Variants in FRY observed in about 807,000 individuals in gnomAD.
The protein encoded by FRY is FRY microtubule binding protein, also known as protein furry homolog.
In FRY, 128 loss-of-function variants were observed where a neutral mutation model predicts 348.4. That is an observed-to-expected ratio of 0.37 (90% CI 0.32 to 0.43). The LOEUF is 0.43. Ranked by LOEUF, FRY falls within the 20% of genes least tolerant of loss-of-function variation. The pLI, the probability that FRY is intolerant of heterozygous loss-of-function variation, is 1.00. For missense variants in FRY, 2,736 were observed against 3,695.2 expected (o/e 0.74, Z 6.73); for synonymous variants, 1,370 against 1,374.7 (o/e 1.00, Z 0.08).
intron 34 of FRY, 29 bp downstream of exon 34, chr13:32,211,063 G>C (rs1488858487): frequency 1.2e-6 from 2 of 1,604,192 alleles, no homozygotes; most frequent in African/African-American, 2.7e-5. Context: ...CAGACACCTG[G>C]TCACAGATCC....
At chr13:32,279,551 T>G (rs1262128612) in intron 58 of FRY, among the ~76,000 whole-genome samples, 1 of 152,224 alleles carries the variant, frequency 6.6e-6, no homozygotes, top group African/African-American at 2.4e-5. Context: ...TCCCACTCTG[T>G]CTACTGTGGA....
At chr13:32,127,895 T>C (rs1382198713) in intron 7 of FRY, among the ~76,000 whole-genome samples, 10 of 152,200 alleles carry the variant, frequency 6.6e-5, no homozygotes, top group Admixed American at 5.2e-4. Context: ...TCCCTTTTTC[T>C]CTCTCTCCTT....
rs747583361 is a variant in FRY at position 32,149,745 on chromosome 13, C to T, written c.1393-3C>T. 3 of 1,562,082 alleles carry T rather than the reference C, an allele frequency of 1.9e-6. No homozygotes were observed. The highest frequency in any genetic ancestry group is 4.5e-5 in the East Asian group (2 of 44,632). ...TCATTTTGTGTTCTTGTTTTTACTA[C>T]AGGAACGTTTAGATTTTGCAATGAA... On this transcript the variant is annotated splice_polypyrimidine_tract_variant and splice_region_variant and intron_variant, in intron 13 of 60. Coordinates refer to ENST00000542859, the MANE Select transcript of FRY (RefSeq NM_023037.3).
chr13:32,212,004 A>G (rs1884714739), intron 34 of FRY, among the ~76,000 whole-genome samples: 1 of 152,242 alleles, frequency 6.6e-6, no homozygotes, highest in Non-Finnish European at 1.5e-5. Flanking sequence ...GCCACTATAA[A>G]TAAGCTCATT....
chr13:32,175,378 A>G (rs1882304416), intron 19 of FRY, among the ~76,000 whole-genome samples, 168 bp from the exon 20 acceptor site: 1 of 152,180 alleles, frequency 6.6e-6, no homozygotes, highest in African/African-American at 2.4e-5. Context: ...GCTCAGAAAC[A>G]CAGGAGTTTT....
Position 32,228,461 on chromosome 13 carries a change from T to G in FRY, c.5212T>G (p.Phe1738Val). 6.2e-7 allele frequency: 1 copy of G among 1,612,138 alleles called. No homozygotes were observed. Among genetic ancestry groups the G allele is most frequent in the Non-Finnish European group, 8.5e-7 (1 of 1,179,666 alleles). Reference sequence around the variant, plus strand: ...TGACCTTCTTCTCCCACCAGGTGGCTTTGACTTCCTGAGAGAGGACCAGTC... The same window carrying G: ...TGACCTTCTTCTCCCACCAGGTGGCGTTGACTTCCTGAGAGAGGACCAGTC... Reference protein sequence around the residue: ...YQPEYLYTGGFDFLREDQSSP... With the variant: ...YQPEYLYTGGVDFLREDQSSP... The change falls in exon 40 of 61, where the codon TTT (phenylalanine) becomes GTT (valine). Residue 1738 changes from phenylalanine to valine, a missense_variant. Coordinates refer to ENST00000542859, the MANE Select transcript of FRY (RefSeq NM_023037.3).
At chr13:32,208,761 A>G in intron 31 of FRY, 92 bp from the exon 32 acceptor site, 1 of 1,442,920 alleles carries the variant, frequency 6.9e-7, no homozygotes, top group Non-Finnish European at 9.8e-7. Flanking sequence ...TAAACGTAGG[A>G]CACTGTTCAG....
At chr13:32,206,124 G>A (rs929580481) in intron 31 of FRY, among the ~76,000 whole-genome samples, 1 of 152,004 alleles carries the variant, frequency 6.6e-6, no homozygotes, top group African/African-American at 2.4e-5. Flanking sequence ...AACTGAGGGA[G>A]GTCAGTGCTA....
chr13:32,265,556 T>C lies in FRY; in HGVS notation c.7886T>C (p.Leu2629Pro). 1 of 1,614,216 alleles carries C rather than the reference T, an allele frequency of 6.2e-7. No individual in the cohort carries two copies. The highest frequency in any genetic ancestry group is 1.1e-5 in the South Asian group (1 of 91,082). ...TTTGAATGCAGCGACAGCTTTAGCC[T>C]GGACATGACTGAGGGGGAAGAAAAA... ...AAFECSDSFS[L>P]DMTEGEEKGN... The change falls in exon 54 of 61, where the codon CTG becomes CCG. Residue 2629 changes from leucine (L) to proline (P), a missense_variant. Coordinates refer to ENST00000542859, the MANE Select transcript of FRY (RefSeq NM_023037.3).
chr13:32,176,394 G>A (rs1289987249), intron 20 of FRY, among the ~76,000 whole-genome samples: 1 of 152,212 alleles, frequency 6.6e-6, no homozygotes, highest in Admixed American at 6.5e-5. Context: ...GATGCCTGAT[G>A]TGCAGATACT....
intron 57 of FRY, among the ~76,000 whole-genome samples, chr13:32,277,199 G>C (rs929900057): frequency 6.6e-6 from 1 of 152,144 alleles, no homozygotes; most frequent in Non-Finnish European, 1.5e-5. Context: ...AGGTACTATA[G>C]AAAAAGCAAG....
chr13:32,105,429 A>G (rs547545435), intron 3 of FRY, among the ~76,000 whole-genome samples: 1 of 152,330 alleles, frequency 6.6e-6, no homozygotes, highest in Admixed American at 6.5e-5. Context: ...TCAATTACCA[A>G]TCTCAGCAGC....
rs376255176 is a variant in FRY, at chr13:32,110,294, G to A, written c.325-7040G>A. Among the ~76,000 whole-genome samples the A allele has an allele frequency of 9.9e-5, 15 of 152,172 alleles. No homozygotes were observed. The East Asian group carries it at 2.9e-3, about 29-fold the overall frequency. On this transcript the variant is annotated intron_variant, in intron 3 of 60. Transcript: ENST00000542859. The stretch of plus-strand genomic sequence containing the variant: ...TGTGGAGAGCATCTATGAATGAAAG[G>A]CATGTGAGCTCACCATTTTACCTTC...
chr13:32,171,474 C>T (rs567453875), intron 18 of FRY, among the ~76,000 whole-genome samples: 1 of 151,988 alleles, frequency 6.6e-6, no homozygotes, highest in Admixed American at 6.6e-5. Flanking sequence ...TCACACCTGG[C>T]TAATTTTTGT....
intron 31 of FRY, among the ~76,000 whole-genome samples, chr13:32,205,828 T>C (rs992798571): frequency 1.3e-5 from 2 of 151,710 alleles, no homozygotes; most frequent in African/African-American, 4.8e-5. Flanking sequence ...GAGAGGAGGA[T>C]AGTTAAGAAA....
At chr13:32,096,252 G>A (rs984295947) in intron 2 of FRY, among the ~76,000 whole-genome samples, 7 of 152,100 alleles carry the variant, frequency 4.6e-5, no homozygotes, top group Admixed American at 1.3e-4. Context: ...TTCTCTGTTC[G>A]CAAAGCTATC....
intron 58 of FRY, among the ~76,000 whole-genome samples, chr13:32,287,187 T>TTGTCTATTG (rs1369645244): frequency 6.6e-6 from 1 of 150,758 alleles, no homozygotes; most frequent in East Asian, 1.9e-4. Flanking sequence ...AAGAAAGAAA[T>TTGTCTATTG]TGTCTATTGG....
At chr13:32,044,620 G>A (rs1221952994) in intron 1 of FRY, among the ~76,000 whole-genome samples, 1 of 152,060 alleles carries the variant, frequency 6.6e-6, no homozygotes, top group African/African-American at 2.4e-5. Flanking sequence ...AGCCACTCCC[G>A]CCCCACTTTT....
chr13:32,233,749 TAATA>T (rs1379502023), intron 41 of FRY, among the ~76,000 whole-genome samples: 1 of 152,112 alleles, frequency 6.6e-6, no homozygotes, highest in Non-Finnish European at 1.5e-5. Flanking sequence ...AATAGCAGAG[TAATA>T]AATAAGAATA....
Sources: allele counts gnomAD v4.1 joint callset (sites outside exome capture counted in the v4.1 genomes callset), GRCh38; gene constraint gnomAD v4.1.1; transcripts MANE v1.5; gene names NCBI Gene and HGNC (gene_info 2026-07-23, HGNC 2026-07-21).